MYO9A: variants seen among roughly 807,000 people sequenced by gnomAD.
MYO9A encodes the protein myosin IXA, also known as unconventional myosin-IXa.
MYO9A carries 103 observed loss-of-function variants against 293.3 expected under a neutral mutation model. The ratio of observed to expected loss-of-function variants is 0.35; its 90% CI spans 0.30 to 0.41. MYO9A has a LOEUF of 0.41. Ranked by LOEUF, MYO9A falls within the 10% of genes least tolerant of loss-of-function variation. MYO9A has a pLI of 1.00. For missense variants in MYO9A, 2,685 were observed against 3,033.0 expected (o/e 0.89, Z 2.69); for synonymous variants, 1,001 against 1,035.7 (o/e 0.97, Z 0.64).
At chr15:71,940,806 C>CA (rs1361982980) in intron 15 of MYO9A, among the ~76,000 whole-genome samples, 1 of 152,046 alleles carries the variant, frequency 6.6e-6, no homozygotes, top group Non-Finnish European at 1.5e-5. Flanking sequence ...GAGCTGAAAA[C>CA]AATCTTGCAA....
Position 71,881,218 on chromosome 15 carries a change from G to A in MYO9A, c.5399-660C>T, listed in dbSNP as rs554085012. 3.6e-4 allele frequency among the ~76,000 whole-genome samples: 54 copies of A among 151,920 alleles called. 1 individual carries two copies. The South Asian group carries it at 0.01, about 28-fold the overall frequency. ...ATTTTTCTCTACAAATGTTTACAAC[G>A]GAGAAATTAGATTCTATGTAGCCCA... is the stretch of plus-strand genomic sequence containing the variant. On this transcript the variant is annotated intron_variant, in intron 28 of 41. Transcript: ENST00000356056.
At chr15:72,022,204 C>T (rs4511484) in intron 4 of MYO9A, among the ~76,000 whole-genome samples, 140,904 of 152,150 alleles carry the variant, frequency 0.93, 65,581 homozygotes, top group Non-Finnish European at 0.97. Flanking sequence ...ATTTCTAGAG[C>T]TGCCACATTA....
intron 38 of MYO9A, 103 bp from the exon 39 acceptor site, chr15:71,849,071 A>AAATT (rs1205143255): frequency 1.8e-6 from 2 of 1,093,490 alleles, no homozygotes; most frequent in Middle Eastern, 2.7e-4. Flanking sequence ...ATGAAGGAAA[A>AAATT]AATTAACATC....
At chr15:71,987,943 AC>A (rs569485471) in intron 11 of MYO9A, among the ~76,000 whole-genome samples, 82 of 152,170 alleles carry the variant, frequency 5.4e-4, no homozygotes, top group Non-Finnish European at 7.1e-4. Flanking sequence ...AATGAGAATC[AC>A]CCATCTTCCA....
intron 18 of MYO9A, among the ~76,000 whole-genome samples, chr15:71,930,624 G>C (rs1364536114): frequency 6.6e-6 from 1 of 152,118 alleles, no homozygotes; most frequent in Non-Finnish European, 1.5e-5. Flanking sequence ...GTAGCATATA[G>C]ATGAGTCTCT....
chr15:72,016,790 C>G (rs994195535), intron 6 of MYO9A, among the ~76,000 whole-genome samples: 1 of 152,036 alleles, frequency 6.6e-6, no homozygotes, highest in Non-Finnish European at 1.5e-5. Context: ...ATTATGGCTA[C>G]AAAGTTCTTC....
At position 71,897,740 on chromosome 15, in the gene MYO9A, T is replaced by C. The variant is rs148598628; in HGVS notation, c.4763A>G (p.Asp1588Gly). The C allele has an allele frequency of 1.8e-5, 29 of 1,614,004 alleles. No homozygotes were observed. The African/African-American group carries it at 3.5e-4, about 19-fold the overall frequency. ...TGGGGGTAAGTGAGCAGAGGAACTG[T>C]CTTTTTGGGCAAGAGCTGCATCTTT... ...SLKDAALAQK[D>G]SSSAHLPPKD... Residue 1588 changes from aspartate (D) to glycine (G), a missense_variant, in exon 25 of 42, where the codon GAC (aspartate) becomes GGC (glycine). Asp to Gly is a moderately conservative substitution (Grantham distance 94). Coordinates refer to ENST00000356056, the MANE Select transcript of MYO9A (RefSeq NM_006901.4).
At chr15:71,956,892 C>T (rs578030361) in intron 14 of MYO9A, among the ~76,000 whole-genome samples, 28 of 148,504 alleles carry the variant, frequency 1.9e-4, no homozygotes, top group African/African-American at 7.0e-4. Context: ...TATCTTAATG[C>T]TTTCAAGGTT....
intron 15 of MYO9A, among the ~76,000 whole-genome samples, chr15:71,941,778 C>T (rs763059615): frequency 2.0e-5 from 3 of 151,998 alleles, no homozygotes; most frequent in Non-Finnish European, 4.4e-5. Flanking sequence ...AAAAAAGGTA[C>T]ACGACATATG....
chr15:71,927,583 G>T (rs2058346509), intron 18 of MYO9A, among the ~76,000 whole-genome samples: 2 of 152,108 alleles, frequency 1.3e-5, no homozygotes, highest in African/African-American at 2.4e-5. Flanking sequence ...GGTACAAAAA[G>T]TTGGTCCTCC....
chr15:72,113,064 T>C (rs890619729), intron 1 of MYO9A, among the ~76,000 whole-genome samples: 1 of 152,174 alleles, frequency 6.6e-6, no homozygotes, highest in Non-Finnish European at 1.5e-5. Flanking sequence ...GACCCTATTT[T>C]TTCTGAACTT....
chr15:71,998,550 C>CTTTTTTTTTTTGTTTTTT (rs2076768457), intron 9 of MYO9A, among the ~76,000 whole-genome samples: 1 of 106,192 alleles, frequency 9.4e-6, no homozygotes, highest in African/African-American at 3.6e-5. Flanking sequence ...ATTTGGCTTT[C>CTTTTTTTTTTTGTTTTTT]TTTTTTTTTT....
At chr15:71,971,115 C>G (rs953070559) in intron 12 of MYO9A, among the ~76,000 whole-genome samples, 1 of 150,886 alleles carries the variant, frequency 6.6e-6, no homozygotes. Context: ...GAGCTGAGAT[C>G]GTGCCGCTGC....
At chr15:71,935,713 G>A (rs34850275) in intron 16 of MYO9A, among the ~76,000 whole-genome samples, 1,861 of 152,198 alleles carry the variant, frequency 0.012, 57 homozygotes, top group Admixed American at 0.058. Context: ...CGTGCATGTA[G>A]ATGAGCATAT....
At chr15:71,916,268 A>C in intron 19 of MYO9A, 102 bp downstream of exon 19, 1 of 1,355,710 alleles carries the variant, frequency 7.4e-7, no homozygotes, top group Non-Finnish European at 9.9e-7. Flanking sequence ...TTAGTCACAT[A>C]AATTAAAATC....
At chr15:72,031,946 G>A (rs756012464) in intron 3 of MYO9A, among the ~76,000 whole-genome samples, 2 of 151,592 alleles carry the variant, frequency 1.3e-5, no homozygotes, top group South Asian at 2.1e-4. Flanking sequence ...TCGCTCTGTC[G>A]CCCAGACTGG....
intron 11 of MYO9A, among the ~76,000 whole-genome samples, chr15:71,982,015 T>C: frequency 8.5e-6 from 1 of 117,562 alleles, no homozygotes; most frequent in Middle Eastern, 4.1e-3. Context: ...ATTTTTTTTT[T>C]TTTTTTTTTT....
chr15:71,833,213 T>TA (rs573775177), intron 39 of MYO9A, among the ~76,000 whole-genome samples: 6,468 of 149,022 alleles, frequency 0.043, 273 homozygotes, highest in East Asian at 0.21. Context: ...TTGGGCCATA[T>TA]AAAAAAAAAG....
At chr15:71,854,624 T>C in intron 34 of MYO9A, 55 bp from the exon 35 acceptor site, 1 of 1,375,656 alleles carries the variant, frequency 7.3e-7, no homozygotes. Flanking sequence ...TTGAAACATG[T>C]TTAACCATTT....
Sources: allele counts gnomAD v4.1 joint callset (sites outside exome capture counted in the v4.1 genomes callset), GRCh38; gene constraint gnomAD v4.1.1; transcripts MANE v1.5; gene names NCBI Gene and HGNC (gene_info 2026-07-23, HGNC 2026-07-21).